Variants in FNBP1 observed in about 807,000 individuals in gnomAD.
FNBP1 encodes formin-binding protein 1.
Under a neutral mutation model 90.6 loss-of-function variants are expected in FNBP1, and 26 were observed. That is an observed-to-expected ratio of 0.29 (90% CI 0.21 to 0.40). FNBP1 has a LOEUF of 0.40. Ranked by LOEUF, FNBP1 falls within the 10% of genes least tolerant of loss-of-function variation. FNBP1 has a pLI of 1.00. For missense variants in FNBP1, 635 were observed against 768.0 expected, an observed-to-expected ratio of 0.83 and a Z score of 2.05; for synonymous variants, 260 against 265.2, an observed-to-expected ratio of 0.98 and a Z score of 0.19.
At chr9:129,993,262 T>C (rs1179393500) in intron 2 of FNBP1, among the ~76,000 whole-genome samples, 2 of 148,902 alleles carry the variant, frequency 1.3e-5, no homozygotes, top group African/African-American at 4.9e-5. Context: ...GGAAAGTAAA[T>C]GTTTCTAAAT....
At chr9:129,973,695 G>A (rs937308439) in intron 4 of FNBP1, among the ~76,000 whole-genome samples, 6 of 150,586 alleles carry the variant, frequency 4.0e-5, no homozygotes, top group African/African-American at 1.5e-4. Context: ...TAGTAGAGAC[G>A]GGTTTCACCA....
At chr9:129,994,572 A>G (rs1363208167) in intron 2 of FNBP1, among the ~76,000 whole-genome samples, 1 of 152,178 alleles carries the variant, frequency 6.6e-6, no homozygotes, top group Non-Finnish European at 1.5e-5. Flanking sequence ...ATATATTTCA[A>G]TAAAAAGTTT....
intron 6 of FNBP1, chr9:129,933,647 T>C (rs1247037301): frequency 2.0e-5 from 3 of 152,182 alleles, no homozygotes; most frequent in African/African-American, 7.2e-5. Context: ...TTTTAGACGG[T>C]CTGCCTTTTA....
intron 1 of FNBP1, among the ~76,000 whole-genome samples, chr9:130,010,586 T>G (rs907518959): frequency 1.3e-5 from 2 of 152,116 alleles, no homozygotes; most frequent in Non-Finnish European, 2.9e-5. Flanking sequence ...GACGTGGTCA[T>G]AGCTACCTGT....
chr9:129,957,132 G>GCTCAAGCGATCCTCCTGT lies in FNBP1; in HGVS notation c.513+227_513+228insACAGGAGGATCGCTTGAG, dbSNP rs2047076621. 6.6e-6 allele frequency among the ~76,000 whole-genome samples: 1 copy of GCTCAAGCGATCCTCCTGT among 151,414 alleles called. No individual in the cohort carries two copies. Among genetic ancestry groups the GCTCAAGCGATCCTCCTGT allele is most frequent in the Non-Finnish European group, 1.5e-5 (1 of 67,914 alleles). On this transcript the variant is annotated intron_variant, in intron 6 of 16. Coordinates refer to ENST00000446176, the MANE Select transcript of FNBP1 (RefSeq NM_015033.3). This position sits in a 1 kb window ranked among gnomAD's most constrained non-coding sequence, Gnocchi z 4.3. ...GGCTCACTGCAGCCAACGCCTCCTGGGCTCAAGCGATTCTCCTGCCTCAGC... is the reference window on the plus strand; with the variant it reads ...GGCTCACTGCAGCCAACGCCTCCTGGCTCAAGCGATCCTCCTGTGCTCAAGCGATTCTCCTGCCTCAGC...
chr9:130,019,657 T>C (rs1188902238), intron 1 of FNBP1, among the ~76,000 whole-genome samples: 1 of 152,198 alleles, frequency 6.6e-6, no homozygotes, highest in African/African-American at 2.4e-5. Context: ...CTTGTTTTGT[T>C]GTTTGTTTTG....
At chr9:129,961,034 C>T (rs901128603) in intron 4 of FNBP1, among the ~76,000 whole-genome samples, 4 of 151,880 alleles carry the variant, frequency 2.6e-5, no homozygotes, top group Non-Finnish European at 2.9e-5. Flanking sequence ...AGAGACTAGC[C>T]GAGCGTGGTG....
chr9:130,037,958 G>A (rs188958524), intron 1 of FNBP1, among the ~76,000 whole-genome samples: 47 of 152,172 alleles, frequency 3.1e-4, no homozygotes, highest in Admixed American at 1.9e-3. Context: ...ATCCTCAAAC[G>A]GCTGCCTCTT....
At chr9:130,000,909 C>T (rs2054734128) in intron 1 of FNBP1, among the ~76,000 whole-genome samples, 1 of 152,136 alleles carries the variant, frequency 6.6e-6, no homozygotes, top group South Asian at 2.1e-4. Flanking sequence ...TTAGTCTGCA[C>T]TAAAGAGCTT....
At chr9:129,895,304 A>G (rs1158260302) in intron 16 of FNBP1, 2 of 1,061,136 alleles carry the variant, frequency 1.9e-6, no homozygotes, top group Middle Eastern at 4.2e-4. Context: ...TTTAGTCAAG[A>G]AGGAGATGTT....
At chr9:129,988,377 C>T (rs572854687) in intron 2 of FNBP1, among the ~76,000 whole-genome samples, 117 of 152,154 alleles carry the variant, frequency 7.7e-4, no homozygotes, top group African/African-American at 2.7e-3. Context: ...CTGTAAAGGA[C>T]CAGAAAGTAA....
chr9:130,007,371 T>C (rs115534533), intron 1 of FNBP1, among the ~76,000 whole-genome samples: 3,650 of 152,050 alleles, frequency 0.024, 154 homozygotes, highest in African/African-American at 0.082. Flanking sequence ...TTGTTGGATG[T>C]GCAACAAATG....
chr9:130,014,587 T>C (rs558184274), intron 1 of FNBP1, among the ~76,000 whole-genome samples: 2 of 152,290 alleles, frequency 1.3e-5, no homozygotes, highest in Admixed American at 1.3e-4. Context: ...GGCATGTACA[T>C]GGATGTGCAT....
At chr9:130,001,198 G>A (rs2054781672) in intron 1 of FNBP1, among the ~76,000 whole-genome samples, 1 of 151,646 alleles carries the variant, frequency 6.6e-6, no homozygotes, top group Non-Finnish European at 1.5e-5. Context: ...CGGGTGTGGT[G>A]GCGGTCGCCT....
chr9:129,995,078 T>A (rs1326646573), intron 1 of FNBP1, 120 bp from the exon 2 acceptor site: 1 of 643,150 alleles, frequency 1.6e-6, no homozygotes, highest in Non-Finnish European at 2.7e-6. Flanking sequence ...TTTCCATGAT[T>A]ATACTTGGGG....
chr9:129,997,706 G>A (rs1002670419), intron 1 of FNBP1, among the ~76,000 whole-genome samples: 3 of 151,986 alleles, frequency 2.0e-5, no homozygotes, highest in African/African-American at 7.2e-5. Context: ...AATTATCAGG[G>A]CATCATGGCA....
intron 6 of FNBP1, among the ~76,000 whole-genome samples, chr9:129,940,345 A>G (rs1478634214): frequency 1.3e-5 from 2 of 152,348 alleles, no homozygotes; most frequent in East Asian, 3.9e-4. Context: ...CTTCAAAAGA[A>G]TAAAATGGAA....
At chr9:129,896,046 G>A (rs1368654713) in intron 15 of FNBP1, 50 bp from the exon 16 acceptor site, 1 of 1,534,112 alleles carries the variant, frequency 6.5e-7, no homozygotes, top group South Asian at 1.2e-5. Context: ...AATGCAGGGA[G>A]GAAGCAAACA....
chr9:130,009,362 G>A (rs2056228939), intron 1 of FNBP1, among the ~76,000 whole-genome samples: 1 of 152,136 alleles, frequency 6.6e-6, no homozygotes, highest in Non-Finnish European at 1.5e-5. Flanking sequence ...GAGCTAAAAG[G>A]TAAAAATTGC....
Sources: gnomAD v4.1 joint callset for allele counts (sites outside exome capture counted in the v4.1 genomes callset) on GRCh38, gnomAD v4.1.1 for gene constraint, Gnocchi (gnomAD v3.1) non-coding constraint, MANE v1.5 for transcripts, NCBI Gene and HGNC (gene_info 2026-07-23, HGNC 2026-07-21) for gene names.